PDZD2: variants seen among roughly 807,000 people sequenced by gnomAD.
PDZD2 encodes PDZ domain containing 2.
PDZD2 carries 90 observed loss-of-function variants against 220.7 expected under a neutral mutation model. The ratio of observed to expected loss-of-function variants is 0.41; its 90% CI spans 0.34 to 0.49. The LOEUF (loss-of-function observed/expected upper bound fraction) is 0.49. Ranked by LOEUF, PDZD2 falls within the 20% of genes least tolerant of loss-of-function variation. PDZD2 has a pLI of 0.28. For synonymous variants in PDZD2, 1,375 were observed against 1,450.5 expected (o/e 0.95, Z 1.18); for missense variants, 3,174 against 3,608.5 (o/e 0.88, Z 3.08).
At chr5:32,059,380 A>C (rs780421641) in intron 13 of PDZD2, 24 bp downstream of exon 13, 1 of 1,197,290 alleles carries the variant, frequency 8.4e-7, no homozygotes, top group Admixed American at 1.7e-5. Context: ...CTGATAGTGT[A>C]AGGTTCTGGA....
Position 31,799,439 on chromosome 5 carries a change from C to T in PDZD2, c.191C>T (p.Pro64Leu). Reference protein sequence around the residue: ...ESTVPPDHSPPEMEICTVYLT... With the variant: ...ESTVPPDHSPLEMEICTVYLT... ...ACGGTCCCACCTGATCACAGCCCCC[C>T]CGAAATGGAGATCTGTACTGTGTAC... Residue 64 changes from proline (P) to leucine (L), a missense_variant, in exon 2 of 25, where the codon CCC (proline) becomes CTC (leucine). Around this residue, in one of 4 missense-constraint regions of PDZD2, gnomAD observed 632 missense variants for 708.1 expected, o/e 0.89. Transcript: ENST00000438447. The T allele has an allele frequency of 6.2e-7, 1 of 1,614,210 alleles. No homozygotes were observed.
intron 2 of PDZD2, chr5:31,847,643 G>C (rs1396769363): frequency 3.2e-6 from 2 of 618,176 alleles, no homozygotes; most frequent in African/African-American, 1.8e-5. Context: ...GTGGTGACTG[G>C]AGATGAATAC....
chr5:31,869,511 C>T (rs1362595236), intron 2 of PDZD2, among the ~76,000 whole-genome samples: 1 of 152,026 alleles, frequency 6.6e-6, no homozygotes, highest in Non-Finnish European at 1.5e-5. Flanking sequence ...TTGCAGTGAG[C>T]CAAGATCACG....
At chr5:31,966,496 T>C (rs1425482980) in intron 2 of PDZD2, among the ~76,000 whole-genome samples, 1 of 152,214 alleles carries the variant, frequency 6.6e-6, no homozygotes, top group African/African-American at 2.4e-5. Flanking sequence ...CATTTTCCTG[T>C]CTGAATATAA....
At chr5:31,959,873 CCT>C (rs1266089457) in intron 2 of PDZD2, among the ~76,000 whole-genome samples, 1 of 151,886 alleles carries the variant, frequency 6.6e-6, no homozygotes, top group African/African-American at 2.4e-5. Context: ...CTTGGCCATA[CCT>C]CTCTCTCAGT....
At chr5:31,682,671 C>CTGTGTG (rs70955735) in intron 1 of PDZD2, among the ~76,000 whole-genome samples, 118 of 146,346 alleles carry the variant, frequency 8.1e-4, no homozygotes, top group African/African-American at 2.8e-3. Context: ...AGTCTTTCGG[C>CTGTGTG]TGTGTGTGTG....
At chr5:31,863,848 G>T (rs1333727983) in intron 2 of PDZD2, among the ~76,000 whole-genome samples, 1 of 152,072 alleles carries the variant, frequency 6.6e-6, no homozygotes, top group Non-Finnish European at 1.5e-5. Context: ...TTAATCCTAT[G>T]GTGAAGACCT....
At chr5:31,905,485 G>T (rs915067061) in intron 2 of PDZD2, among the ~76,000 whole-genome samples, 3 of 152,108 alleles carry the variant, frequency 2.0e-5, no homozygotes, top group African/African-American at 7.2e-5. Context: ...ATCTTCCTCC[G>T]TGTTCTTGGC....
At chr5:31,917,101 G>C (rs1254261143) in intron 2 of PDZD2, among the ~76,000 whole-genome samples, 1 of 152,152 alleles carries the variant, frequency 6.6e-6, no homozygotes, top group Non-Finnish European at 1.5e-5. Context: ...GGAAAACAGG[G>C]TGAGCCAGTT....
chr5:31,823,662 C>T (rs1038813198), intron 2 of PDZD2, among the ~76,000 whole-genome samples: 1 of 152,142 alleles, frequency 6.6e-6, no homozygotes, highest in Non-Finnish European at 1.5e-5. Flanking sequence ...CTCAGGCCTA[C>T]AACCACAAAG....
intron 6 of PDZD2, among the ~76,000 whole-genome samples, chr5:32,018,124 A>G (rs1753914382): frequency 6.6e-6 from 1 of 152,234 alleles, no homozygotes. Context: ...ACCGAAATGC[A>G]GAAGGATCAC....
intron 18 of PDZD2, among the ~76,000 whole-genome samples, chr5:32,076,482 A>G (rs995762412): frequency 2.6e-5 from 4 of 152,202 alleles, no homozygotes; most frequent in Non-Finnish European, 4.4e-5. Context: ...AATTTTAGTT[A>G]CAAAATTTGA....
chr5:31,776,284 G>A (rs938090370), intron 1 of PDZD2, among the ~76,000 whole-genome samples: 2 of 151,820 alleles, frequency 1.3e-5, no homozygotes, highest in Admixed American at 1.3e-4. Flanking sequence ...CAAGATGCCA[G>A]CCCCTTCCCC....
intron 2 of PDZD2, among the ~76,000 whole-genome samples, chr5:31,871,151 C>T (rs373548474): frequency 3.3e-5 from 5 of 152,156 alleles, no homozygotes; most frequent in African/African-American, 9.6e-5. Flanking sequence ...AGTGTATATG[C>T]GTTACTCTTA....
rs1251840861 is a variant in PDZD2 at position 31,752,068 on chromosome 5, G to GTTTTTTTTTTTTTTTTTTTTTTTTTTTT, written c.-360-46821_-360-46820insTTTTTTTTTTTTTTTTTTTTTTTTTTTT. ...TTTGTTTGTTTGTTTTATTGTTTTG[G>GTTTTTTTTTTTTTTTTTTTTTTTTTTTT]GTTTGTTTTTTTTTTTTTTTTTCTG... On this transcript the variant is annotated intron_variant, in intron 1 of 24. Coordinates refer to ENST00000438447, the MANE Select transcript of PDZD2 (RefSeq NM_178140.4). 5.0e-4 allele frequency among the ~76,000 whole-genome samples: 48 copies of GTTTTTTTTTTTTTTTTTTTTTTTTTTTT among 95,940 alleles called. 12 individuals carry two copies. The highest frequency in any genetic ancestry group is 5.6e-4 in the Non-Finnish European group (29 of 51,594). The allele number at this position is 95,940 out of a possible 152,430, so 62.9% of individuals were successfully genotyped here.
Position 31,888,928 on chromosome 5 carries a change from C to T in PDZD2, c.476+89204C>T, listed in dbSNP as rs376764571. Among the ~76,000 whole-genome samples the T allele has an allele frequency of 6.6e-5, 10 of 152,198 alleles. No homozygotes were observed. The East Asian group carries it at 1.2e-3, about 18-fold the overall frequency. ...AATGGAAATGTTCCCAGTCAAGATA[C>T]CCTCATGCCCAGAGCCAGGAGAAAC... On this transcript the variant is annotated intron_variant, in intron 2 of 24. Coordinates refer to ENST00000438447, the MANE Select transcript of PDZD2 (RefSeq NM_178140.4).
intron 1 of PDZD2, among the ~76,000 whole-genome samples, chr5:31,668,917 TC>T (rs1480582272): frequency 2.0e-5 from 3 of 152,258 alleles, no homozygotes; most frequent in African/African-American, 7.2e-5. Context: ...AGCATTGACC[TC>T]CACTCCCAAG....
intron 1 of PDZD2, among the ~76,000 whole-genome samples, chr5:31,746,194 T>C (rs1305905472): frequency 6.6e-6 from 1 of 152,034 alleles, no homozygotes; most frequent in Non-Finnish European, 1.5e-5. Context: ...AATGCCCAGG[T>C]TCAACCAGGG....
chr5:31,774,602 G>A (rs1001300237), intron 1 of PDZD2, among the ~76,000 whole-genome samples: 1 of 151,806 alleles, frequency 6.6e-6, no homozygotes, highest in Non-Finnish European at 1.5e-5. Context: ...TGTAATCCCA[G>A]CTATTTGGGA....
Sources: gnomAD v4.1 joint callset for allele counts (sites outside exome capture counted in the v4.1 genomes callset) on GRCh38, gnomAD v4.1.1 for gene constraint, gnomAD v4.1.1 regional missense constraint, MANE v1.5 for transcripts, NCBI Gene and HGNC (gene_info 2026-07-23, HGNC 2026-07-21) for gene names.